MND1: variants seen among roughly 807,000 people sequenced by gnomAD.
MND1 encodes the protein meiotic nuclear divisions 1.
A neutral mutation model predicts 35.1 loss-of-function variants in MND1; 28 were observed. The ratio of observed to expected loss-of-function variants is 0.80; its 90% CI spans 0.59 to 1.09. The LOEUF (loss-of-function observed/expected upper bound fraction) is 1.09. MND1 is among the 50% of genes least tolerant of loss of function. The pLI is 0.00. For synonymous variants in MND1, 69 were observed against 70.5 expected (o/e 0.98, Z 0.11); for missense variants, 213 against 239.6 (o/e 0.89, Z 0.73).
intron 4 of MND1, among the ~76,000 whole-genome samples, chr4:153,382,616 A>C (rs952167443): frequency 1.3e-5 from 2 of 152,234 alleles, no homozygotes; most frequent in African/African-American, 4.8e-5. Context: ...ATTTAATGGG[A>C]AGTTTATTTT....
chr4:153,344,666 A>T (rs1773023293), upstream of MND1: 6 of 1,401,536 alleles, frequency 4.3e-6, no homozygotes, highest in African/African-American at 4.5e-5. Flanking sequence ...GCCAAAATCA[A>T]ACGCGTCCTG....
intron 4 of MND1, among the ~76,000 whole-genome samples, chr4:153,386,115 C>G (rs1728850909): frequency 6.6e-6 from 1 of 151,994 alleles, no homozygotes; most frequent in Non-Finnish European, 1.5e-5. Flanking sequence ...AATCTCTATA[C>G]CTTTCATTCA....
chr4:153,397,413 T>C (rs1017371870), intron 6 of MND1, 80 bp downstream of exon 6: 2 of 949,664 alleles, frequency 2.1e-6, no homozygotes, highest in Admixed American at 5.0e-5. Context: ...TGCTAACTAT[T>C]CTCCATGTAT....
Position 153,383,560 on chromosome 4 carries a change from G to T in MND1, c.277-10702G>T, listed in dbSNP as rs554691433. On this transcript the variant is annotated intron_variant, in intron 4 of 7. Coordinates refer to ENST00000240488, the MANE Select transcript of MND1 (RefSeq NM_032117.4). ...TTTCTCTCCTTTTCTCCAGGCCTTG[G>T]TTGGGATAAGGGACAGGAAGCTGAA... is the stretch of plus-strand genomic sequence containing the variant. Among the ~76,000 whole-genome samples, 3 of 152,248 alleles carry T rather than the reference G, an allele frequency of 2.0e-5. No homozygotes were observed. In the East Asian group the frequency reaches 5.8e-4, roughly 29 times the overall value.
chr4:153,393,924 C>CTTTTTTTTTTTTTTTTTTTTTTTTTTT (rs36028750), intron 4 of MND1, among the ~76,000 whole-genome samples: 1 of 56,464 alleles, frequency 1.8e-5, no homozygotes, highest in African/African-American at 7.1e-5. Flanking sequence ...ACTTTGTTTT[C>CTTTTTTTTTTTTTTTTTTTTTTTTTTT]TTTTTTTTTT....
At chr4:153,390,044 T>TTA (rs1491319323) in intron 4 of MND1, among the ~76,000 whole-genome samples, 3 of 151,884 alleles carry the variant, frequency 2.0e-5, no homozygotes, top group African/African-American at 4.8e-5. Context: ...TTTTTTTTTT[T>TTA]TATATGCTAA....
intron 6 of MND1, among the ~76,000 whole-genome samples, chr4:153,407,757 A>C (rs1729561073): frequency 6.6e-6 from 1 of 152,186 alleles, no homozygotes; most frequent in Non-Finnish European, 1.5e-5. Context: ...TAAGTGAGAG[A>C]GGCCAGACCT....
chr4:153,401,124 C>T (rs1162464318), intron 6 of MND1, among the ~76,000 whole-genome samples: 1 of 152,054 alleles, frequency 6.6e-6, no homozygotes, highest in African/African-American at 2.4e-5. Context: ...AAAATGGGGC[C>T]AGGCGCAGTG....
chr4:153,411,349 G>A (rs547885221), intron 7 of MND1, among the ~76,000 whole-genome samples: 6 of 151,942 alleles, frequency 3.9e-5, no homozygotes, highest in South Asian at 2.1e-4. Flanking sequence ...AATTCTGCCC[G>A]TCTTAAGGTT....
chr4:153,399,240 CTT>C (rs1232153785), intron 6 of MND1, among the ~76,000 whole-genome samples: 1 of 152,164 alleles, frequency 6.6e-6, no homozygotes, highest in Non-Finnish European at 1.5e-5. Context: ...ACCTACAACT[CTT>C]AGGTATATCC....
chr4:153,363,615 A>C (rs1350791971), intron 4 of MND1, among the ~76,000 whole-genome samples: 1 of 152,198 alleles, frequency 6.6e-6, no homozygotes, highest in Non-Finnish European at 1.5e-5. Context: ...GAGAGCTTTC[A>C]GTCAGTTGTA....
rs1014930715 is a variant in MND1 at position 153,412,641 on chromosome 4, C to T, written c.512-2110C>T. ...GGGATTATAGGCGCACACCACCATG[C>T]CCGGCTAATTTTTTTTGTATTTTTA... On this transcript the variant is annotated intron_variant, in intron 7 of 7. Coordinates refer to ENST00000240488, the MANE Select transcript of MND1 (RefSeq NM_032117.4). Among the ~76,000 whole-genome samples, 9 of 146,238 alleles carry T rather than the reference C, an allele frequency of 6.2e-5. No individual in the cohort carries two copies. The South Asian group carries it at 6.6e-4, about 11-fold the overall frequency.
intron 4 of MND1, chr4:153,382,052 G>A (rs1216636415): frequency 6.6e-6 from 1 of 151,980 alleles, no homozygotes; most frequent in Non-Finnish European, 1.5e-5. Flanking sequence ...AACCTTGTTA[G>A]GAGGGTGCTT....
chr4:153,414,291 T>C (rs934728287), intron 7 of MND1, among the ~76,000 whole-genome samples: 1 of 152,120 alleles, frequency 6.6e-6, no homozygotes, highest in East Asian at 1.9e-4. Flanking sequence ...AATACTTTTT[T>C]TTTTTTTGAT....
chr4:153,348,641 GT>G (rs1222988444), intron 1 of MND1, among the ~76,000 whole-genome samples: 3 of 152,234 alleles, frequency 2.0e-5, no homozygotes, highest in East Asian at 3.9e-4. Context: ...GTGGGAATGA[GT>G]TAGTGGGTTG....
At chr4:153,359,255 T>C (rs1579902007) in intron 4 of MND1, among the ~76,000 whole-genome samples, 1 of 152,246 alleles carries the variant, frequency 6.6e-6, no homozygotes, top group East Asian at 1.9e-4. Context: ...CTCTATAGTT[T>C]TACCTTTTCC....
At chr4:153,413,854 A>G (rs549791683) in intron 7 of MND1, among the ~76,000 whole-genome samples, 23 of 152,342 alleles carry the variant, frequency 1.5e-4, no homozygotes, top group South Asian at 4.1e-4. Context: ...ACCCTTGACC[A>G]AAAGTCCTTG....
At chr4:153,378,120 A>C (rs1038240380) in intron 4 of MND1, among the ~76,000 whole-genome samples, 3 of 152,216 alleles carry the variant, frequency 2.0e-5, no homozygotes, top group African/African-American at 7.2e-5. Context: ...GTGAATGCAT[A>C]AATCAATATA....
At chr4:153,394,768 T>C (rs943187813) in intron 5 of MND1, among the ~76,000 whole-genome samples, 1 of 152,160 alleles carries the variant, frequency 6.6e-6, no homozygotes, top group Non-Finnish European at 1.5e-5. Flanking sequence ...AATTTTTGCA[T>C]AGAACAAACT....
Sources: gnomAD v4.1 joint callset for allele counts (sites outside exome capture counted in the v4.1 genomes callset) on GRCh38, gnomAD v4.1.1 for gene constraint, MANE v1.5 for transcripts, NCBI Gene and HGNC (gene_info 2026-07-23, HGNC 2026-07-21) for gene names.